The following PLA2R1 variants were observed in gnomAD, a reference collection of about 807,000 sequenced individuals.
PLA2R1 encodes phospholipase A2 receptor 1.
A neutral mutation model predicts 195.9 loss-of-function variants in PLA2R1; 158 were observed. The observed-to-expected ratio is 0.81, with a 90% CI of 0.71 to 0.92. The LOEUF is 0.92. Ranked by LOEUF, PLA2R1 falls within the 40% of genes least tolerant of loss-of-function variation. The pLI, the probability that PLA2R1 is intolerant of heterozygous loss-of-function variation, is 0.00. For synonymous variants in PLA2R1, 586 were observed against 598.2 expected (o/e 0.98, Z 0.30); for missense variants, 1,626 against 1,764.6 (o/e 0.92, Z 1.41).
the PLA2R1 span, among the ~76,000 whole-genome samples, chr2:159,924,474 G>A: frequency 6.6e-6 from 1 of 152,204 alleles, no homozygotes; most frequent in East Asian, 1.9e-4. Flanking sequence ...CCTGAGCTGC[G>A]AGGAGGCTGG....
chr2:160,028,407 A>G, intron 5 of PLA2R1, 46 bp from the exon 6 acceptor site: 7 of 1,358,926 alleles, frequency 5.2e-6, no homozygotes, highest in Non-Finnish European at 7.3e-6. Flanking sequence ...AAAAGCAGTT[A>G]GTTTAATATA....
At chr2:160,011,970 TTGTGTGTG>T (rs991818555) in intron 10 of PLA2R1, among the ~76,000 whole-genome samples, 17 of 151,272 alleles carry the variant, frequency 1.1e-4, no homozygotes, top group Non-Finnish European at 2.4e-4. Context: ...GTGTGTCTGT[TTGTGTGTG>T]TGTGTATGCA....
chr2:160,011,752 AC>A (rs1307381320), intron 10 of PLA2R1, among the ~76,000 whole-genome samples: 2 of 152,158 alleles, frequency 1.3e-5, no homozygotes, highest in African/African-American at 4.8e-5. Flanking sequence ...TGTTCTTGGA[AC>A]CTTTTGGGTG....
chr2:160,033,407 GA>G (rs953776979), intron 3 of PLA2R1, among the ~76,000 whole-genome samples: 2 of 152,190 alleles, frequency 1.3e-5, no homozygotes, highest in Admixed American at 1.3e-4. Context: ...CCAGTTTTAA[GA>G]GAAGGAAGTA....
At chr2:159,972,912 AATTTTT>A (rs1689282693) in intron 17 of PLA2R1, among the ~76,000 whole-genome samples, 1 of 152,174 alleles carries the variant, frequency 6.6e-6, no homozygotes, top group Admixed American at 6.6e-5. Flanking sequence ...ATTTTATTAA[AATTTTT>A]ATTTGCTTCA....
At chr2:159,993,323 T>C (rs1476547965) in intron 11 of PLA2R1, among the ~76,000 whole-genome samples, 1 of 152,028 alleles carries the variant, frequency 6.6e-6, no homozygotes, top group Non-Finnish European at 1.5e-5. Context: ...AATAACAGGA[T>C]TTTCTGGTGT....
In PLA2R1 at chr2:160,028,359, C is replaced by A. The variant is rs1402891721; in HGVS notation, c.958G>T (p.Val320Leu). Residue 320 changes from valine to leucine, a missense_variant and splice_region_variant, in exon 6 of 30, where the codon GTA (valine) becomes TTA (leucine). Physicochemically the swap from Val to Leu is conservative, Grantham distance 32. Coordinates refer to ENST00000283243, the MANE Select transcript of PLA2R1 (RefSeq NM_007366.5). ...PLNYLNWSPE[V>L]NFEPFVEDHC... ...TCTTCAACAAATGGCTCAAAATTTA[C>A]CTCTGAAAATACAATGAGTGTCTTT... The A allele has an allele frequency of 6.2e-6, 10 of 1,602,626 alleles. No individual in the cohort carries two copies. Among genetic ancestry groups the A allele is most frequent in the Non-Finnish European group, 8.5e-6 (10 of 1,171,736 alleles).
intron 11 of PLA2R1, among the ~76,000 whole-genome samples, chr2:159,994,206 G>A (rs977158850): frequency 5.3e-5 from 8 of 152,018 alleles, no homozygotes; most frequent in South Asian, 2.1e-4. Context: ...ATAAAAATGC[G>A]TATTTTATGA....
intron 6 of PLA2R1, among the ~76,000 whole-genome samples, chr2:160,027,424 A>C (rs542362732): frequency 6.6e-6 from 1 of 152,324 alleles, no homozygotes; most frequent in East Asian, 1.9e-4. Context: ...AAATCTCTAC[A>C]TAAAAAAATG....
intron 11 of PLA2R1, among the ~76,000 whole-genome samples, chr2:160,004,137 A>G (rs1244441681): frequency 6.6e-6 from 1 of 152,210 alleles, no homozygotes; most frequent in Admixed American, 6.5e-5. Flanking sequence ...GATGTAACGG[A>G]GTACTTCCAC....
chr2:160,013,794 G>T (rs943878160), intron 9 of PLA2R1, among the ~76,000 whole-genome samples: 4 of 150,192 alleles, frequency 2.7e-5, no homozygotes, highest in Admixed American at 1.3e-4. Flanking sequence ...AAATGGTCCC[G>T]ACAGGAGGGT....
At chr2:159,982,367 C>G (rs1349982673) in intron 13 of PLA2R1, among the ~76,000 whole-genome samples, 4 of 152,126 alleles carry the variant, frequency 2.6e-5, no homozygotes. Flanking sequence ...AAAAGGTGTC[C>G]CGACCAAGTG....
At chr2:159,961,027 T>C (rs1012442111) in intron 20 of PLA2R1, among the ~76,000 whole-genome samples, 2 of 152,210 alleles carry the variant, frequency 1.3e-5, no homozygotes, top group Non-Finnish European at 2.9e-5. Flanking sequence ...CTCTCAGCTA[T>C]CAACTCTCCT....
At position 159,941,856 on chromosome 2, in the gene PLA2R1, G is replaced by C; in HGVS notation, c.4314C>G (p.Tyr1438Ter). Reference sequence around the variant, plus strand: ...CTGTACTAAAGTTGGTTGCAGGATAGTAAGGATTCCGAAACCCTGCAAGTC... The same window carrying C: ...CTGTACTAAAGTTGGTTGCAGGATACTAAGGATTCCGAAACCCTGCAAGTC... ...FRRLAGFRNPYYPATNFSTVY... is the reference protein window; with the variant it reads ...FRRLAGFRNP Residue 1438 changes from tyrosine (Y) to a stop codon, truncating the protein, a stop_gained, in exon 30 of 30, where the codon TAC becomes TAG. Transcript: ENST00000283243. LOFTEE classifies it high-confidence loss of function. 6.2e-7 allele frequency: 1 copy of C among 1,612,836 alleles called. No individual in the cohort carries two copies. Among genetic ancestry groups the C allele is most frequent in the Non-Finnish European group, 8.5e-7 (1 of 1,178,840 alleles).
intron 11 of PLA2R1, among the ~76,000 whole-genome samples, chr2:160,004,272 T>C (rs1573872132): frequency 1.3e-5 from 2 of 152,298 alleles, no homozygotes; most frequent in East Asian, 3.9e-4. Context: ...ATTAGAACTG[T>C]TCTGGGCAAA....
intron 1 of PLA2R1, among the ~76,000 whole-genome samples, chr2:160,053,282 T>C (rs561487917): frequency 6.7e-6 from 1 of 150,332 alleles, no homozygotes. Context: ...AACTGCCTCA[T>C]TTTAACTTGT....
intron 28 of PLA2R1, among the ~76,000 whole-genome samples, 160 bp downstream of exon 28, chr2:159,944,746 A>C (rs1313157365): frequency 6.6e-6 from 1 of 152,204 alleles, no homozygotes; most frequent in Non-Finnish European, 1.5e-5. Flanking sequence ...AAGGAGCTGA[A>C]CTATTCTCTG....
chr2:159,982,015 T>C (rs970281325), intron 13 of PLA2R1, among the ~76,000 whole-genome samples: 2 of 152,162 alleles, frequency 1.3e-5, no homozygotes. Flanking sequence ...ATGATTTAGC[T>C]TGGGACTAAA....
chr2:160,001,892 T>C (rs930567583), intron 11 of PLA2R1, among the ~76,000 whole-genome samples: 2 of 151,648 alleles, frequency 1.3e-5, no homozygotes, highest in Non-Finnish European at 3.0e-5. Context: ...CTCTCAATAA[T>C]TGATTGATCA....
Sources: gnomAD v4.1 joint callset for allele counts (sites outside exome capture counted in the v4.1 genomes callset) on GRCh38, gnomAD v4.1.1 for gene constraint, MANE v1.5 for transcripts, NCBI Gene and HGNC (gene_info 2026-07-23, HGNC 2026-07-21) for gene names.